Variants in MARCHF1 observed in about 807,000 individuals in gnomAD.
MARCHF1 encodes the protein E3 ubiquitin-protein ligase MARCHF1.
MARCHF1 carries 40 observed loss-of-function variants against 54.2 expected under a neutral mutation model. That is an observed-to-expected ratio of 0.74 (90% CI 0.57 to 0.96). The LOEUF is 0.96. Ranked by LOEUF, MARCHF1 falls within the 40% of genes least tolerant of loss-of-function variation. The pLI is 0.00. For missense variants in MARCHF1, 586 were observed against 656.5 expected (o/e 0.89, Z 1.17); for synonymous variants, 236 against 236.3 (o/e 1.00, Z 0.01).
intron 1 of MARCHF1, among the ~76,000 whole-genome samples, chr4:164,254,749 T>G (rs1007457568): frequency 2.0e-5 from 3 of 152,116 alleles, no homozygotes; most frequent in African/African-American, 7.2e-5. Context: ...GGGAGGCTGG[T>G]AGGCCCAGCC....
intron 4 of MARCHF1, among the ~76,000 whole-genome samples, chr4:163,702,450 G>A (rs1744836953): frequency 6.6e-6 from 1 of 151,994 alleles, no homozygotes; most frequent in Non-Finnish European, 1.5e-5. Context: ...TGGTAGCAGT[G>A]GTTATTTTGT....
chr4:163,863,953 C>T (rs1336241095), intron 3 of MARCHF1, among the ~76,000 whole-genome samples: 3 of 151,810 alleles, frequency 2.0e-5, no homozygotes, highest in South Asian at 2.1e-4. Context: ...ATTTGAGCAA[C>T]AAAATAAAGT....
intron 8 of MARCHF1, among the ~76,000 whole-genome samples, chr4:163,552,613 T>G (rs1352455549): frequency 1.3e-5 from 2 of 152,196 alleles, no homozygotes; most frequent in African/African-American, 4.8e-5. Flanking sequence ...ATTAGCTGTT[T>G]GACAGGATCA....
chr4:163,873,349 T>C (rs1750221043), intron 3 of MARCHF1, among the ~76,000 whole-genome samples: 1 of 152,242 alleles, frequency 6.6e-6, no homozygotes, highest in Admixed American at 6.5e-5. Context: ...TTCTCAATTA[T>C]CTGCCACTCC....
At chr4:164,264,273 G>A (rs932335229) in intron 1 of MARCHF1, among the ~76,000 whole-genome samples, 8 of 152,076 alleles carry the variant, frequency 5.3e-5, no homozygotes, top group Non-Finnish European at 8.8e-5. Context: ...AGTTATCAGC[G>A]GGAGCTAAAT....
At position 164,121,874 on chromosome 4, in the gene MARCHF1, G is replaced by A. The variant is rs199978876; in HGVS notation, c.-322-10212C>T. Among the ~76,000 whole-genome samples, 6 of 128,754 alleles carry A rather than the reference G, an allele frequency of 4.7e-5. No individual in the cohort carries two copies. The East Asian group carries it at 1.3e-3, about 27-fold the overall frequency. The allele number at this position is 128,754 out of a possible 152,430, so 84.5% of individuals were successfully genotyped here. A position where few individuals can be genotyped will look rare whatever the true frequency, so the allele number is the denominator to read the frequency against. ...CAGTATTATCCTGATATCAAAACTAGACAAAGACATATTAAAAAAAATGAA... is the reference window on the plus strand; with the variant it reads ...CAGTATTATCCTGATATCAAAACTAAACAAAGACATATTAAAAAAAATGAA... On this transcript the variant is annotated intron_variant, in intron 1 of 9. Coordinates refer to ENST00000514618, the MANE Select transcript of MARCHF1 (RefSeq NM_001394959.1).
intron 1 of MARCHF1, among the ~76,000 whole-genome samples, chr4:164,243,689 C>T (rs1273532539): frequency 1.3e-5 from 2 of 152,192 alleles, no homozygotes; most frequent in African/African-American, 2.4e-5. Context: ...CAAGACCCAT[C>T]AGTGTGCTGT....
intron 1 of MARCHF1, among the ~76,000 whole-genome samples, chr4:164,144,275 C>T (rs1579570351): frequency 1.3e-5 from 2 of 151,538 alleles, no homozygotes; most frequent in Non-Finnish European, 1.5e-5. Flanking sequence ...GACAGAAAGT[C>T]AACAAGGATA....
chr4:163,529,460 C>T (rs576654822), intron 9 of MARCHF1, among the ~76,000 whole-genome samples: 1 of 151,946 alleles, frequency 6.6e-6, no homozygotes, highest in Non-Finnish European at 1.5e-5. Flanking sequence ...GGTATAGGTA[C>T]ATGTATGGGT....
intron 4 of MARCHF1, among the ~76,000 whole-genome samples, chr4:163,718,841 T>A (rs1745346143): frequency 6.6e-6 from 1 of 152,160 alleles, no homozygotes; most frequent in Non-Finnish European, 1.5e-5. Flanking sequence ...ACCTCATGAC[T>A]CTTCTCTGAT....
intron 2 of MARCHF1, among the ~76,000 whole-genome samples, chr4:164,021,694 A>G (rs569838880): frequency 6.6e-6 from 1 of 152,028 alleles, no homozygotes; most frequent in South Asian, 2.1e-4. Context: ...GTCTCTACTA[A>G]AAATACAAAA....
At chr4:163,725,304 C>T (rs1318178215) in intron 4 of MARCHF1, among the ~76,000 whole-genome samples, 1 of 151,764 alleles carries the variant, frequency 6.6e-6, no homozygotes, top group East Asian at 1.9e-4. Context: ...GGTGAAACCC[C>T]ATCTCCACAA....
intron 4 of MARCHF1, among the ~76,000 whole-genome samples, chr4:163,724,570 C>T (rs1452624762): frequency 6.6e-6 from 1 of 152,192 alleles, no homozygotes; most frequent in Non-Finnish European, 1.5e-5. Flanking sequence ...GCAGAGGTTT[C>T]TGCTGCCTTT....
intron 4 of MARCHF1, among the ~76,000 whole-genome samples, chr4:163,744,394 T>C (rs973612037): frequency 2.0e-5 from 3 of 152,210 alleles, no homozygotes; most frequent in South Asian, 4.1e-4. Flanking sequence ...ACCTCTTATA[T>C]AGTAAGTATC....
At chr4:163,702,217 C>T (rs905018539) in intron 4 of MARCHF1, among the ~76,000 whole-genome samples, 1 of 152,142 alleles carries the variant, frequency 6.6e-6, no homozygotes, top group African/African-American at 2.4e-5. Flanking sequence ...CTCATAACAG[C>T]CCCATGCTCC....
chr4:163,839,717 A>T (rs970920359), intron 4 of MARCHF1, among the ~76,000 whole-genome samples: 1 of 152,088 alleles, frequency 6.6e-6, no homozygotes, highest in African/African-American at 2.4e-5. Flanking sequence ...TTGGGAATGG[A>T]GGAAGGGCTG....
intron 1 of MARCHF1, among the ~76,000 whole-genome samples, chr4:164,286,234 C>A (rs1460485559): frequency 1.3e-5 from 2 of 152,170 alleles, no homozygotes; most frequent in African/African-American, 2.4e-5. Flanking sequence ...GGCAACCTTA[C>A]ACAGGAGATC....
intron 5 of MARCHF1, among the ~76,000 whole-genome samples, chr4:163,700,528 A>AGAAGGAAG (rs57173687): frequency 0.082 from 9,378 of 114,350 alleles, 504 homozygotes; most frequent in Non-Finnish European, 0.1. Context: ...AAAGAAAGAA[A>AGAAGGAAG]GAAGGAAGGA....
intron 5 of MARCHF1, among the ~76,000 whole-genome samples, chr4:163,628,006 T>C (rs1015050552): frequency 6.6e-6 from 1 of 152,122 alleles, no homozygotes; most frequent in Non-Finnish European, 1.5e-5. Flanking sequence ...GAAAAATCTT[T>C]GTGATCTTGG....
Sources: allele counts gnomAD v4.1 joint callset (sites outside exome capture counted in the v4.1 genomes callset), GRCh38; gene constraint gnomAD v4.1.1; transcripts MANE v1.5; gene names NCBI Gene and HGNC (gene_info 2026-07-23, HGNC 2026-07-21).